Variants in CALN1 observed in about 807,000 individuals in gnomAD.
CALN1 encodes the protein calneuron 1.
Under a neutral mutation model 30.6 loss-of-function variants are expected in CALN1, and 17 were observed. The ratio of observed to expected loss-of-function variants is 0.56; its 90% CI spans 0.38 to 0.83. The LOEUF (loss-of-function observed/expected upper bound fraction) is 0.83. Among genes scored for constraint, CALN1 ranks in the 40% least tolerant of loss-of-function variants. The pLI, the probability that CALN1 is intolerant of heterozygous loss-of-function variation, is 0.00. For synonymous variants in CALN1, 156 were observed against 131.4 expected (o/e 1.19, Z -1.28); for missense variants, 291 against 354.9 (o/e 0.82, Z 1.45).
At chr7:72,066,963 T>C (rs893063379) in intron 4 of CALN1, among the ~76,000 whole-genome samples, 1 of 150,524 alleles carries the variant, frequency 6.6e-6, no homozygotes, top group African/African-American at 2.5e-5. Flanking sequence ...TTTTTTTTTG[T>C]ATTTTAGTAG....
At chr7:72,277,801 T>C (rs1797434662) in intron 3 of CALN1, among the ~76,000 whole-genome samples, 1 of 151,578 alleles carries the variant, frequency 6.6e-6, no homozygotes, top group Non-Finnish European at 1.5e-5. Flanking sequence ...ATTTGAACCA[T>C]TACACTTAAA....
chr7:72,331,442 G>T (rs761707029), intron 2 of CALN1, among the ~76,000 whole-genome samples: 3 of 152,136 alleles, frequency 2.0e-5, no homozygotes, highest in Non-Finnish European at 4.4e-5. Flanking sequence ...CCTAGATACA[G>T]GGACCCAAAA....
chr7:71,785,578 T>C lies in CALN1; in HGVS notation c.*2197A>G, dbSNP rs1792944209. 6.6e-6 allele frequency: 1 copy of C among 152,100 alleles called. No individual in the cohort carries two copies. Among genetic ancestry groups the C allele is most frequent in the Non-Finnish European group, 1.5e-5 (1 of 68,016 alleles). The allele number at this position is 152,100 out of a possible 1,614,324, so 9.4% of individuals were successfully genotyped here. On this transcript the variant is annotated 3_prime_UTR_variant, in exon 7 of 7. Coordinates refer to ENST00000395275, the MANE Select transcript of CALN1 (RefSeq NM_031468.4). ...GGGTTTCTACCCAGTCTACTTAGGG[T>C]CCTGCACCCCTATGGATGTGGTTGG...
At chr7:72,201,804 T>C (rs1791451406) in intron 3 of CALN1, among the ~76,000 whole-genome samples, 1 of 150,096 alleles carries the variant, frequency 6.7e-6, no homozygotes, top group Admixed American at 6.6e-5. Context: ...GAACCTAAAT[T>C]TGGAACATCA....
chr7:72,378,312 G>A (rs1804685056), intron 2 of CALN1, among the ~76,000 whole-genome samples: 1 of 152,188 alleles, frequency 6.6e-6, no homozygotes, highest in Non-Finnish European at 1.5e-5. Flanking sequence ...CTGGGGAGCA[G>A]AGAATAGGGA....
At chr7:72,080,734 C>T (rs1369932880) in intron 4 of CALN1, among the ~76,000 whole-genome samples, 1 of 152,122 alleles carries the variant, frequency 6.6e-6, no homozygotes, top group Non-Finnish European at 1.5e-5. Context: ...ACCCTGTATG[C>T]TCTGATAGGT....
chr7:72,454,527 G>C, the CALN1 span, among the ~76,000 whole-genome samples: 1 of 152,198 alleles, frequency 6.6e-6, no homozygotes, highest in Non-Finnish European at 1.5e-5. Flanking sequence ...ACTAATCCAG[G>C]TCCCAGCTCA....
At chr7:72,490,577 G>A in the CALN1 span, among the ~76,000 whole-genome samples, 3 of 152,170 alleles carry the variant, frequency 2.0e-5, no homozygotes, top group Admixed American at 6.5e-5. Flanking sequence ...GGTCTTCAGC[G>A]TTGGAGGAGG....
chr7:72,221,926 A>C (rs150983286), intron 3 of CALN1, among the ~76,000 whole-genome samples: 2 of 151,708 alleles, frequency 1.3e-5, no homozygotes, highest in African/African-American at 4.8e-5. Flanking sequence ...TGGGTAACCT[A>C]TAAAGAAAAG....
chr7:72,468,345 AC>A, the CALN1 span, among the ~76,000 whole-genome samples: 1 of 151,970 alleles, frequency 6.6e-6, no homozygotes, highest in South Asian at 2.1e-4. Context: ...ACAGAGTCTC[AC>A]TCTGTCACAC....
At chr7:71,801,087 G>A (rs1416646402) in intron 6 of CALN1, among the ~76,000 whole-genome samples, 1 of 152,096 alleles carries the variant, frequency 6.6e-6, no homozygotes, top group East Asian at 1.9e-4. Context: ...TCCTGTGTTA[G>A]TTTGCTGAGG....
At chr7:72,429,352 T>C (rs1807900239) in intron 1 of CALN1, among the ~76,000 whole-genome samples, 1 of 152,286 alleles carries the variant, frequency 6.6e-6, no homozygotes, top group South Asian at 2.1e-4. Flanking sequence ...CTCCAGCACC[T>C]AGAATAGCAA....
At chr7:71,893,951 A>G (rs1793397148) in intron 5 of CALN1, among the ~76,000 whole-genome samples, 1 of 152,062 alleles carries the variant, frequency 6.6e-6, no homozygotes, top group South Asian at 2.1e-4. Context: ...CCTTCCCATG[A>G]TGCTGCCCAC....
chr7:72,229,496 A>G (rs1294307834), intron 3 of CALN1, among the ~76,000 whole-genome samples: 1 of 152,074 alleles, frequency 6.6e-6, no homozygotes, highest in African/African-American at 2.4e-5. Flanking sequence ...TGTTTACTGC[A>G]GCACTATTTA....
rs1284610285 is a variant in CALN1, at chr7:72,398,601, G to A, written c.119+4650C>T. 1.3e-5 allele frequency among the ~76,000 whole-genome samples: 2 copies of A among 152,170 alleles called. 1 individual carries two copies. The highest frequency in any genetic ancestry group is 4.8e-5 in the African/African-American group (2 of 41,444). ...CTACCTGGGCATCACTCTAGTCCCT[G>A]GAATCTGTCTTCTAGGTGGCATCAT... On this transcript the variant is annotated intron_variant, in intron 2 of 6. Transcript: ENST00000395275.
At chr7:72,241,365 G>A (rs1328617186) in intron 3 of CALN1, among the ~76,000 whole-genome samples, 3 of 151,594 alleles carry the variant, frequency 2.0e-5, no homozygotes, top group African/African-American at 7.3e-5. Flanking sequence ...TAAAAGTCAA[G>A]AATGGTACGA....
intron 3 of CALN1, among the ~76,000 whole-genome samples, chr7:72,113,665 A>C (rs947024106): frequency 6.6e-6 from 1 of 152,300 alleles, no homozygotes; most frequent in African/African-American, 2.4e-5. Context: ...ATTTGTTTCT[A>C]TATGTCTCCA....
At chr7:72,297,978 C>G (rs1443590760) in intron 2 of CALN1, among the ~76,000 whole-genome samples, 1 of 152,162 alleles carries the variant, frequency 6.6e-6, no homozygotes, top group African/African-American at 2.4e-5. Flanking sequence ...TTGAACTTTA[C>G]AGAGTAGAGT....
At chr7:71,863,878 C>T (rs1367926252) in intron 5 of CALN1, among the ~76,000 whole-genome samples, 1 of 152,136 alleles carries the variant, frequency 6.6e-6, no homozygotes. Context: ...TTGAGCTCCA[C>T]GCATGCATAG....
Sources: allele counts gnomAD v4.1 joint callset (sites outside exome capture counted in the v4.1 genomes callset), GRCh38; gene constraint gnomAD v4.1.1; transcripts MANE v1.5; gene names NCBI Gene and HGNC (gene_info 2026-07-23, HGNC 2026-07-21).